Variants in RIMS1 observed in about 807,000 individuals in gnomAD.
RIMS1 encodes the protein regulating synaptic membrane exocytosis 1.
In RIMS1, 83 loss-of-function variants were observed where a neutral mutation model predicts 214.1. That is an observed-to-expected ratio of 0.39 (90% CI 0.32 to 0.47). The LOEUF (loss-of-function observed/expected upper bound fraction) is 0.47, where lower values mean the gene tolerates loss of function less well. Ranked by LOEUF, RIMS1 falls within the 20% of genes least tolerant of loss-of-function variation. The pLI, the probability that RIMS1 is intolerant of heterozygous loss-of-function variation, is 0.99. For synonymous variants in RIMS1, 793 were observed against 786.8 expected, an observed-to-expected ratio of 1.01 and a Z score of -0.13; for missense variants, 2,050 against 2,161.8, an observed-to-expected ratio of 0.95 and a Z score of 1.03.
At chr6:72,024,679 T>C (rs919217724) in intron 2 of RIMS1, among the ~76,000 whole-genome samples, 3 of 152,018 alleles carry the variant, frequency 2.0e-5, no homozygotes, top group Non-Finnish European at 4.4e-5. Context: ...TAACTTAAAG[T>C]AAAATGTAAT....
chr6:72,127,109 A>T (rs1018700420), intron 4 of RIMS1, among the ~76,000 whole-genome samples: 3 of 152,184 alleles, frequency 2.0e-5, no homozygotes, highest in African/African-American at 7.2e-5. Flanking sequence ...ACCCCAATGA[A>T]TATTTCCCCA....
chr6:72,217,111 G>A, intron 6 of RIMS1: 2 of 1,528,400 alleles, frequency 1.3e-6, no homozygotes, highest in South Asian at 1.2e-5. Flanking sequence ...ATTGTGTTGT[G>A]CATTTGCTGC....
At chr6:72,033,839 T>G (rs1818842376) in intron 2 of RIMS1, among the ~76,000 whole-genome samples, 1 of 152,092 alleles carries the variant, frequency 6.6e-6, no homozygotes, top group South Asian at 2.1e-4. Flanking sequence ...TAACAGTGAC[T>G]AAAGAAAAAC....
chr6:72,383,314 C>A (rs953677546), intron 29 of RIMS1, among the ~76,000 whole-genome samples: 1 of 152,094 alleles, frequency 6.6e-6, no homozygotes, highest in African/African-American at 2.4e-5. Flanking sequence ...GGGTTTCTTT[C>A]CTTTTCACAC....
intron 6 of RIMS1, among the ~76,000 whole-genome samples, chr6:72,225,966 T>G (rs1367605679): frequency 7.9e-5 from 12 of 152,166 alleles, no homozygotes; most frequent in Admixed American, 7.9e-4. Flanking sequence ...TTCTCCAAAC[T>G]GTTTTGTGTG....
chr6:71,964,552 C>G (rs2151292263), intron 1 of RIMS1, among the ~76,000 whole-genome samples: 1 of 152,152 alleles, frequency 6.6e-6, no homozygotes, highest in African/African-American at 2.4e-5. Flanking sequence ...GAAAATACGT[C>G]CAGTCTGGTA....
intron 6 of RIMS1, among the ~76,000 whole-genome samples, chr6:72,207,943 A>G (rs1562578523): frequency 1.3e-5 from 2 of 152,214 alleles, no homozygotes; most frequent in African/African-American, 2.4e-5. Flanking sequence ...GTGAGGTGAT[A>G]CTTCAGCAAT....
At chr6:71,960,155 T>C (rs1792497783) in intron 1 of RIMS1, among the ~76,000 whole-genome samples, 1 of 152,192 alleles carries the variant, frequency 6.6e-6, no homozygotes, top group African/African-American at 2.4e-5. Context: ...TTGCTTCTCT[T>C]TGAGAGAGTT....
At chr6:72,213,787 A>G (rs1177167683) in intron 6 of RIMS1, among the ~76,000 whole-genome samples, 1 of 152,234 alleles carries the variant, frequency 6.6e-6, no homozygotes, top group East Asian at 1.9e-4. Flanking sequence ...GCACAAGGTC[A>G]AATGGAATAT....
At chr6:72,213,031 A>G (rs1303983990) in intron 6 of RIMS1, 10 of 1,519,016 alleles carry the variant, frequency 6.6e-6, no homozygotes, top group Non-Finnish European at 8.8e-6. Context: ...GGCGCTTCAC[A>G]CTCTTCTTAG....
At chr6:72,324,265 A>G (rs551955959) in intron 28 of RIMS1, among the ~76,000 whole-genome samples, 2 of 152,176 alleles carry the variant, frequency 1.3e-5, no homozygotes, top group Admixed American at 6.6e-5. Flanking sequence ...CGTGAAAAAT[A>G]TATAAAATAC....
intron 29 of RIMS1, among the ~76,000 whole-genome samples, chr6:72,334,253 A>G (rs200083889): frequency 6.6e-6 from 1 of 151,820 alleles, no homozygotes; most frequent in East Asian, 1.9e-4. Context: ...CGTGACATAT[A>G]CTCTTCAAGG....
At chr6:72,036,452 A>G (rs1394934458) in intron 2 of RIMS1, among the ~76,000 whole-genome samples, 1 of 152,180 alleles carries the variant, frequency 6.6e-6, no homozygotes, top group Non-Finnish European at 1.5e-5. Context: ...TATGCAAGGC[A>G]TAGGAGATAC....
intron 9 of RIMS1, among the ~76,000 whole-genome samples, chr6:72,241,659 A>G (rs766869484): frequency 2.0e-5 from 3 of 152,186 alleles, no homozygotes; most frequent in East Asian, 1.9e-4. Flanking sequence ...TGTATAGTAC[A>G]TATGTGTTTT....
chr6:72,124,784 G>C (rs1179110788), intron 4 of RIMS1, among the ~76,000 whole-genome samples: 2 of 151,980 alleles, frequency 1.3e-5, no homozygotes, highest in African/African-American at 4.8e-5. Flanking sequence ...ACTGAAGCTT[G>C]TGCATATATC....
At chr6:71,920,450 A>G (rs1779649213) in intron 1 of RIMS1, among the ~76,000 whole-genome samples, 1 of 152,202 alleles carries the variant, frequency 6.6e-6, no homozygotes, top group Non-Finnish European at 1.5e-5. Flanking sequence ...ACCTAAAATT[A>G]TTACAAAATA....
intron 26 of RIMS1, among the ~76,000 whole-genome samples, chr6:72,293,988 A>G (rs2093761369): frequency 6.6e-6 from 1 of 151,650 alleles, no homozygotes; most frequent in Non-Finnish European, 1.5e-5. Flanking sequence ...AGTTATATAC[A>G]TACAGCTTTT....
At chr6:72,094,896 T>A (rs2030815898) in intron 2 of RIMS1, among the ~76,000 whole-genome samples, 1 of 151,658 alleles carries the variant, frequency 6.6e-6, no homozygotes, top group South Asian at 2.1e-4. Flanking sequence ...CTGCTTAGAG[T>A]TTCCTTGGTT....
intron 26 of RIMS1, among the ~76,000 whole-genome samples, chr6:72,306,395 C>G (rs1441138499): frequency 6.6e-6 from 1 of 151,932 alleles, no homozygotes; most frequent in Non-Finnish European, 1.5e-5. Context: ...AGTCGTTTAC[C>G]CTACACATGA....
Sources: allele counts gnomAD v4.1 joint callset (sites outside exome capture counted in the v4.1 genomes callset), GRCh38; gene constraint gnomAD v4.1.1; transcripts MANE v1.5; gene names NCBI Gene and HGNC (gene_info 2026-07-23, HGNC 2026-07-21).